The following FAH variants were observed in gnomAD, a reference collection of about 807,000 sequenced individuals.
The protein encoded by FAH is fumarylacetoacetate hydrolase.
FAH carries 47 observed loss-of-function variants against 55.8 expected under a neutral mutation model. The ratio of observed to expected loss-of-function variants is 0.84; its 90% CI spans 0.67 to 1.07. The LOEUF (loss-of-function observed/expected upper bound fraction) is 1.07. FAH is among the 50% of genes least tolerant of loss of function. The pLI is 0.00. For missense variants in FAH, 495 were observed against 545.9 expected (o/e 0.91, Z 0.93); for synonymous variants, 199 against 207.7 (o/e 0.96, Z 0.36).
At chr15:80,174,876 T>C (rs2041269323) in intron 9 of FAH, 140 bp from the exon 10 acceptor site, 2 of 735,706 alleles carry the variant, frequency 2.7e-6, no homozygotes, top group Non-Finnish European at 4.9e-6. Context: ...GCTGGGTCCC[T>C]GGAGAGGGAA....
At chr15:80,161,163 ACT>A (rs1321262138) in intron 4 of FAH, among the ~76,000 whole-genome samples, 2 of 151,666 alleles carry the variant, frequency 1.3e-5, no homozygotes, top group Non-Finnish European at 2.9e-5. Context: ...CTCACTCCCC[ACT>A]CTCATACACT....
chr15:80,170,016 C>A (rs1324120820), intron 7 of FAH, among the ~76,000 whole-genome samples: 1 of 152,212 alleles, frequency 6.6e-6, no homozygotes, highest in African/African-American at 2.4e-5. Context: ...TCGGTCCCAC[C>A]ACCTGAGGAT....
chr15:80,159,869 T>C lies in FAH; in HGVS notation c.306T>C (p.Leu102=), dbSNP rs2041133609. 1.2e-6 allele frequency: 2 copies of C among 1,614,154 alleles called. No individual in the cohort carries two copies. The highest frequency in any genetic ancestry group is 2.7e-5 in the African/African-American group (2 of 75,044). Residue 102 remains leucine (L), a synonymous_variant, in exon 3 of 14, where the codon CTT becomes CTC. Coordinates refer to ENST00000561421, the MANE Select transcript of FAH (RefSeq NM_000137.4). The stretch of plus-strand genomic sequence containing the variant: ...CCAGGCTCAGAGATGACACCGAACT[T>C]CGGAAGTGGTGAGAAGCACGTGGTC... The part of the protein sequence containing the change: ...SQARLRDDTE[L]RKCAFISQAS...
intron 9 of FAH, 53 bp from the exon 10 acceptor site, chr15:80,174,963 G>T: frequency 6.5e-7 from 1 of 1,545,766 alleles, no homozygotes; most frequent in Non-Finnish European, 8.9e-7. Context: ...GGCCCAGCCG[G>T]GTGAGCTCAG....
rs1480730802 is a variant in FAH at position 80,168,160 on chromosome 15, G to T, written c.553+11G>T. The T allele has an allele frequency of 6.2e-7, 1 of 1,612,272 alleles. No homozygotes were observed. Among genetic ancestry groups the T allele is most frequent in the Non-Finnish European group, 8.5e-7 (1 of 1,178,678 alleles). On this transcript the variant is annotated intron_variant, in intron 6 of 13. Transcript: ENST00000561421. Reference sequence around the variant, plus strand: ...TGAAACCTGATGACTGTGAGTGACCGCAGCGTCCAGGCCTTGCTGGTACCC... The same window carrying T: ...TGAAACCTGATGACTGTGAGTGACCTCAGCGTCCAGGCCTTGCTGGTACCC...
chr15:80,165,178 G>A (rs1285840610), intron 5 of FAH, among the ~76,000 whole-genome samples: 1 of 152,080 alleles, frequency 6.6e-6, no homozygotes, highest in Non-Finnish European at 1.5e-5. Flanking sequence ...GGATCACAAG[G>A]TCAGGAGTTT....
intron 11 of FAH, among the ~76,000 whole-genome samples, chr15:80,178,257 T>TA (rs2041300265): frequency 1.3e-5 from 2 of 152,122 alleles, no homozygotes; most frequent in Non-Finnish European, 2.9e-5. Flanking sequence ...AGAATTTTCC[T>TA]AAAATGAACA....
At position 80,172,304 on chromosome 15, in the gene FAH, G is replaced by A. The variant is rs1287457262; in HGVS notation, c.706+56G>A. Reference sequence around the variant, plus strand: ...TGACGGGGAGGAGGCTGGGGACTTGGGGCAATTTCATAGAAGCTGAAGATC... The same window carrying A: ...TGACGGGGAGGAGGCTGGGGACTTGAGGCAATTTCATAGAAGCTGAAGATC... On this transcript the variant is annotated intron_variant, in intron 8 of 13. Coordinates refer to ENST00000561421, the MANE Select transcript of FAH (RefSeq NM_000137.4). The A allele has an allele frequency of 6.7e-6, 9 of 1,341,992 alleles. No individual in the cohort carries two copies. The Admixed American group carries it at 1.5e-4, about 23-fold the overall frequency. 83.1% of individuals were successfully genotyped at this position (1,341,992 alleles called of 1,614,324 possible).
chr15:80,167,974 A>G, intron 5 of FAH, 78 bp from the exon 6 acceptor site: 1 of 1,178,778 alleles, frequency 8.5e-7, no homozygotes, highest in South Asian at 1.2e-5. Context: ...CTTTGTTTCT[A>G]GTTTTTGAAG....
At chr15:80,171,922 G>C (rs1337461580) in intron 7 of FAH, among the ~76,000 whole-genome samples, 1 of 152,194 alleles carries the variant, frequency 6.6e-6, no homozygotes, top group African/African-American at 2.4e-5. Context: ...GAGCTCAGGG[G>C]AGTGGAAGGA....
intron 5 of FAH, among the ~76,000 whole-genome samples, chr15:80,165,566 G>A (rs1253861327): frequency 8.6e-5 from 13 of 151,744 alleles, no homozygotes; most frequent in Admixed American, 7.9e-4. Context: ...GTGGTGGCGG[G>A]CGCCTGTAGT....
chr15:80,167,613 C>T (rs939878461), intron 5 of FAH, among the ~76,000 whole-genome samples: 2 of 151,082 alleles, frequency 1.3e-5, no homozygotes, highest in Non-Finnish European at 2.9e-5. Context: ...TTCACTGCAA[C>T]CTCCACCTCT....
rs112775316 is a variant in FAH at position 80,172,892 on chromosome 15, G to A, written c.707-122G>A. ...CTTTGTCCTGGGGCAGCCTGACTGG[G>A]GCTGATCTTTGTGGAGATGGCAGTG... On this transcript the variant is annotated intron_variant, in intron 8 of 13. Coordinates refer to ENST00000561421, the MANE Select transcript of FAH (RefSeq NM_000137.4). 20,817 of 1,321,360 alleles carry A rather than the reference G, an allele frequency of 0.016. 210 individuals are homozygous for A. The highest frequency in any genetic ancestry group is 0.028 in the Middle Eastern group (152 of 5,442). 81.9% of individuals were successfully genotyped at this position (1,321,360 alleles called of 1,614,324 possible).
intron 13 of FAH, among the ~76,000 whole-genome samples, chr15:80,181,611 A>G (rs1025511811): frequency 1.2e-4 from 19 of 152,102 alleles, no homozygotes; most frequent in Admixed American, 9.8e-4. Context: ...TAATAGAGGG[A>G]AAGGGCACCA....
intron 13 of FAH, 145 bp downstream of exon 13, chr15:80,181,304 GTCCT>G (rs2041329483): frequency 1.5e-6 from 1 of 656,948 alleles, no homozygotes; most frequent in African/African-American, 1.8e-5. Context: ...TGCTTGTTCT[GTCCT>G]TCCCCACAGC....
At position 80,161,329 on chromosome 15, in the gene FAH, C is replaced by T. The variant is rs2041147162; in HGVS notation, c.364+870C>T. On this transcript the variant is annotated intron_variant, in intron 4 of 13. Coordinates refer to ENST00000561421, the MANE Select transcript of FAH (RefSeq NM_000137.4). ...TTGAAAAATCTCTCAGCTATTACTT[C>T]TGTGCAATGGGACTGAAGATGGGAA... 3.5e-5 allele frequency among the ~76,000 whole-genome samples: 5 copies of T among 142,710 alleles called. No homozygotes were observed. In the South Asian group the frequency reaches 1.1e-3, roughly 31 times the overall value. The allele number at this position is 142,710 out of a possible 152,430, so 93.6% of individuals were successfully genotyped here.
In FAH at chr15:80,161,846, G is replaced by T. The variant is rs181877699; in HGVS notation, c.365-400G>T. ...GCTTCAGGGAGGAGCGGGCCTCAAAGAGTTGCCAGGATTTGAATACACAGG... is the reference window on the plus strand; with the variant it reads ...GCTTCAGGGAGGAGCGGGCCTCAAATAGTTGCCAGGATTTGAATACACAGG... On this transcript the variant is annotated intron_variant, in intron 4 of 13. Transcript: ENST00000561421. Among the ~76,000 whole-genome samples, 6 of 152,312 alleles carry T rather than the reference G, an allele frequency of 3.9e-5. No individual in the cohort carries two copies. The East Asian group carries it at 1.2e-3, about 29-fold the overall frequency.
chr15:80,163,411 G>A (rs2041166184), intron 5 of FAH: 2 of 152,282 alleles, frequency 1.3e-5, no homozygotes, highest in South Asian at 4.1e-4. Flanking sequence ...CCCAGCCCCA[G>A]AAGAGCTGGC....
chr15:80,173,982 A>C (rs4778758), intron 9 of FAH, among the ~76,000 whole-genome samples: 1 of 151,968 alleles, frequency 6.6e-6, no homozygotes, highest in Non-Finnish European at 1.5e-5. Flanking sequence ...CTGCTCTCCC[A>C]TGCTCCTCTG....
Sources: allele counts gnomAD v4.1 joint callset (sites outside exome capture counted in the v4.1 genomes callset), GRCh38; gene constraint gnomAD v4.1.1; transcripts MANE v1.5; gene names NCBI Gene and HGNC (gene_info 2026-07-23, HGNC 2026-07-21).